ALDH1A2: variants seen among roughly 807,000 people sequenced by gnomAD.
ALDH1A2 encodes aldehyde dehydrogenase 1 family member A2.
Under a neutral mutation model 60.3 loss-of-function variants are expected in ALDH1A2, and 27 were observed. The ratio of observed to expected loss-of-function variants is 0.45; its 90% CI spans 0.33 to 0.62. The LOEUF is 0.62. Among genes scored for constraint, ALDH1A2 ranks in the 20% least tolerant of loss-of-function variants. The pLI is 0.02. For synonymous variants in ALDH1A2, 289 were observed against 232.4 expected (o/e 1.24, Z -2.21); for missense variants, 581 against 643.8 (o/e 0.90, Z 1.06).
intron 4 of ALDH1A2, among the ~76,000 whole-genome samples, chr15:58,006,117 A>G (rs1230637025): frequency 6.6e-6 from 1 of 151,534 alleles, no homozygotes; most frequent in Non-Finnish European, 1.5e-5. Flanking sequence ...ATTTTGGTGC[A>G]TCTGTCACCT....
intron 4 of ALDH1A2, among the ~76,000 whole-genome samples, chr15:57,999,773 T>G (rs12909865): frequency 0.44 from 66,477 of 151,834 alleles, 15,364 homozygotes; most frequent in Non-Finnish European, 0.53. Flanking sequence ...TGTATGTTCA[T>G]TGCAGCACTA....
chr15:57,961,944 C>G (rs1436910933), intron 10 of ALDH1A2, 68 bp downstream of exon 10: 1 of 1,573,278 alleles, frequency 6.4e-7, no homozygotes, highest in African/African-American at 1.4e-5. Flanking sequence ...CTAATATCAT[C>G]CACTAGAAAT....
intron 1 of ALDH1A2, among the ~76,000 whole-genome samples, chr15:58,050,181 T>C (rs1002808901): frequency 7.1e-6 from 1 of 139,936 alleles, no homozygotes; most frequent in Non-Finnish European, 1.6e-5. Context: ...ATTTATTCAA[T>C]AGTATTGCTA....
rs559707227 is a variant in ALDH1A2 at position 58,050,208 on chromosome 15, G to T, written c.117+15326C>A. Among the ~76,000 whole-genome samples, 58 of 150,436 alleles carry T rather than the reference G, an allele frequency of 3.9e-4. 1 individual carries two copies. The highest frequency in any genetic ancestry group is 9.9e-4 in the Admixed American group (15 of 15,116). On this transcript the variant is annotated intron_variant, in intron 1 of 12. Coordinates refer to ENST00000249750, the MANE Select transcript of ALDH1A2 (RefSeq NM_003888.4). Reference sequence around the variant, plus strand: ...GTATTGCTAGGGTTAAAAAAAAAAAGTCTTTCTACTGTGCTCTTCATTATT... The same window carrying T: ...GTATTGCTAGGGTTAAAAAAAAAAATTCTTTCTACTGTGCTCTTCATTATT...
intron 4 of ALDH1A2, among the ~76,000 whole-genome samples, chr15:57,997,859 C>CA (rs1566943177): frequency 6.6e-6 from 1 of 151,918 alleles, no homozygotes; most frequent in African/African-American, 2.4e-5. Flanking sequence ...GGGAAAGAGA[C>CA]AGAATCTTCT....
chr15:58,050,523 G>C (rs567069614), intron 1 of ALDH1A2, among the ~76,000 whole-genome samples: 1 of 152,026 alleles, frequency 6.6e-6, no homozygotes, highest in Non-Finnish European at 1.5e-5. Flanking sequence ...TATTTTATCT[G>C]ACAATCCCAC....
intron 7 of ALDH1A2, among the ~76,000 whole-genome samples, chr15:57,968,250 G>C (rs1375004591): frequency 3.3e-5 from 5 of 152,190 alleles, no homozygotes; most frequent in Admixed American, 2.6e-4. Flanking sequence ...TTATTGAGTA[G>C]TCTATGTTAG....
Position 57,953,775 on chromosome 15 carries a change from C to T in ALDH1A2, c.*1422G>A, listed in dbSNP as rs1161993756. 6.6e-6 allele frequency: 1 copy of T among 152,330 alleles called. No individual in the cohort carries two copies. 9.4% of individuals were successfully genotyped at this position (152,330 alleles called of 1,614,324 possible). On this transcript the variant is annotated 3_prime_UTR_variant, in exon 13 of 13. Transcript: ENST00000249750. Reference sequence around the variant, plus strand: ...AATACAGAAGGCTATATATATGTTGCCCATATTCCACATACTCTGGGTTAT... The same window carrying T: ...AATACAGAAGGCTATATATATGTTGTCCATATTCCACATACTCTGGGTTAT...
At chr15:58,028,586 A>C (rs1462384907) in intron 1 of ALDH1A2, among the ~76,000 whole-genome samples, 1 of 152,246 alleles carries the variant, frequency 6.6e-6, no homozygotes. Flanking sequence ...TAAATGCCCT[A>C]ATTAAAAGAC....
chr15:58,006,688 T>C (rs1048627848), intron 4 of ALDH1A2, among the ~76,000 whole-genome samples: 5 of 138,556 alleles, frequency 3.6e-5, no homozygotes, highest in Non-Finnish European at 7.7e-5. Flanking sequence ...CTATTTTTTT[T>C]ATTTTTAAAT....
intron 1 of ALDH1A2, among the ~76,000 whole-genome samples, chr15:58,027,553 T>C (rs1164898274): frequency 6.6e-6 from 1 of 152,136 alleles, no homozygotes; most frequent in African/African-American, 2.4e-5. Flanking sequence ...ATGAGTTTGA[T>C]GAGTTGACAG....
intron 3 of ALDH1A2, among the ~76,000 whole-genome samples, chr15:58,011,253 G>C (rs1437508870): frequency 2.6e-5 from 4 of 152,150 alleles, no homozygotes; most frequent in Non-Finnish European, 5.9e-5. Context: ...ATGGTGCACA[G>C]CAAGTTTATT....
intron 4 of ALDH1A2, among the ~76,000 whole-genome samples, chr15:58,002,729 C>T (rs1395248496): frequency 6.6e-6 from 1 of 151,858 alleles, no homozygotes; most frequent in East Asian, 1.9e-4. Flanking sequence ...GCATAAAAAT[C>T]TGTAACACAA....
At chr15:58,043,781 T>C (rs1443122616) in intron 1 of ALDH1A2, among the ~76,000 whole-genome samples, 1 of 152,022 alleles carries the variant, frequency 6.6e-6, no homozygotes, top group Admixed American at 6.6e-5. Flanking sequence ...ACCAAGATCA[T>C]ACTTTAACAG....
chr15:58,041,640 G>A (rs1180340695), intron 1 of ALDH1A2, among the ~76,000 whole-genome samples: 1 of 151,760 alleles, frequency 6.6e-6, no homozygotes, highest in African/African-American at 2.4e-5. Context: ...TCTTTTACAA[G>A]GACACTAATC....
intron 1 of ALDH1A2, among the ~76,000 whole-genome samples, chr15:58,029,583 T>TA (rs58827440): frequency 0.21 from 30,389 of 142,896 alleles, 3,494 homozygotes; most frequent in African/African-American, 0.31. Flanking sequence ...AAAAATCCCC[T>TA]AAAAAAAAAA....
At chr15:57,976,359 G>A (rs1280122914) in intron 7 of ALDH1A2, among the ~76,000 whole-genome samples, 1 of 152,126 alleles carries the variant, frequency 6.6e-6, no homozygotes, top group Non-Finnish European at 1.5e-5. Context: ...CATGTGCCAT[G>A]GTGGTTTGCT....
chr15:58,043,860 A>G (rs1362225337), intron 1 of ALDH1A2, among the ~76,000 whole-genome samples: 1 of 152,008 alleles, frequency 6.6e-6, no homozygotes, highest in Non-Finnish European at 1.5e-5. Context: ...GTCTAAACAT[A>G]GTAGAGGCTC....
At chr15:58,003,744 T>C (rs1296751630) in intron 4 of ALDH1A2, among the ~76,000 whole-genome samples, 2 of 151,874 alleles carry the variant, frequency 1.3e-5, no homozygotes, top group African/African-American at 4.8e-5. Context: ...AGGTTAAAAA[T>C]ACTCAAAATG....
Sources: gnomAD v4.1 joint callset for allele counts (sites outside exome capture counted in the v4.1 genomes callset) on GRCh38, gnomAD v4.1.1 for gene constraint, MANE v1.5 for transcripts, NCBI Gene and HGNC (gene_info 2026-07-23, HGNC 2026-07-21) for gene names.